SASH1: variants seen among roughly 807,000 people sequenced by gnomAD.
SASH1 encodes the protein SAM and SH3 domain containing 1.
A neutral mutation model predicts 125.2 loss-of-function variants in SASH1; 44 were observed. The observed-to-expected ratio is 0.35, with a 90% CI of 0.28 to 0.45. The LOEUF (loss-of-function observed/expected upper bound fraction) is 0.45, where lower values mean the gene tolerates loss of function less well. SASH1 is among the 20% of genes least tolerant of loss of function. The pLI, the probability that SASH1 is intolerant of heterozygous loss-of-function variation, is 1.00. For missense variants in SASH1, 1,426 were observed against 1,614.5 expected (o/e 0.88, Z 2.00); for synonymous variants, 639 against 649.1 (o/e 0.98, Z 0.24).
chr6:148,406,276 TC>T (rs1288566169), intron 2 of SASH1, among the ~76,000 whole-genome samples: 2 of 152,196 alleles, frequency 1.3e-5, no homozygotes, highest in Admixed American at 6.5e-5. Flanking sequence ...CTGAAGGACT[TC>T]ATTTGGGGGC....
intron 4 of SASH1, among the ~76,000 whole-genome samples, chr6:148,452,538 A>G (rs1029131341): frequency 2.6e-5 from 4 of 152,204 alleles, no homozygotes; most frequent in Admixed American, 2.0e-4. Flanking sequence ...GCGTGAGTTT[A>G]CGCTCCGCTA....
chr6:148,319,906 C>T (rs982697804), intron 1 of SASH1, among the ~76,000 whole-genome samples: 6 of 152,178 alleles, frequency 3.9e-5, no homozygotes, highest in Non-Finnish European at 5.9e-5. Flanking sequence ...TGACTCCTCC[C>T]TCTGTCCATT....
At chr6:148,248,707 C>T in the SASH1 span, among the ~76,000 whole-genome samples, 537 of 152,306 alleles carry the variant, frequency 3.5e-3, 5 homozygotes, top group Middle Eastern at 6.8e-3. Context: ...CACTTCCCCC[C>T]ACAAGCCTCA....
intron 2 of SASH1, among the ~76,000 whole-genome samples, chr6:148,396,501 A>AAAG (rs1562378834): frequency 8.1e-5 from 12 of 148,774 alleles, no homozygotes; most frequent in African/African-American, 2.8e-4. Context: ...AAAAAAAAAA[A>AAAG]AAGAAAGAAA....
chr6:148,510,165 A>T (rs1780036480), intron 8 of SASH1, among the ~76,000 whole-genome samples: 1 of 152,270 alleles, frequency 6.6e-6, no homozygotes. Flanking sequence ...GAATTACTAC[A>T]TATAGCATTA....
chr6:148,320,583 T>C (rs909967891), intron 1 of SASH1, among the ~76,000 whole-genome samples: 3 of 152,056 alleles, frequency 2.0e-5, no homozygotes, highest in Admixed American at 6.5e-5. Flanking sequence ...AGACAAAGGG[T>C]GGGTTCTTTC....
chr6:148,297,065 G>A (rs1288756112), intron 1 of SASH1, among the ~76,000 whole-genome samples: 1 of 152,146 alleles, frequency 6.6e-6, no homozygotes, highest in Non-Finnish European at 1.5e-5. Context: ...ATTTCCATAT[G>A]GACAGGACTG....
chr6:148,424,232 C>CTT (rs755742706), intron 2 of SASH1, among the ~76,000 whole-genome samples: 1 of 140,652 alleles, frequency 7.1e-6, no homozygotes, highest in Non-Finnish European at 1.6e-5. Context: ...TGTTCTTCTT[C>CTT]TTTTTTTTTT....
chr6:148,248,996 T>C, the SASH1 span, among the ~76,000 whole-genome samples: 1 of 152,182 alleles, frequency 6.6e-6, no homozygotes, highest in Admixed American at 6.5e-5. Flanking sequence ...AAACATAGTG[T>C]GTGGTTCCTA....
At chr6:148,389,316 C>T (rs543660172) in intron 1 of SASH1, among the ~76,000 whole-genome samples, 26 of 151,704 alleles carry the variant, frequency 1.7e-4, no homozygotes, top group Non-Finnish European at 3.4e-4. Flanking sequence ...CAATACCAGG[C>T]GCTATGGAGC....
intron 7 of SASH1, chr6:148,480,537 C>A (rs1778573058): frequency 6.6e-6 from 1 of 152,104 alleles, no homozygotes; most frequent in Non-Finnish European, 1.5e-5. Context: ...GGATCCTGAT[C>A]AGTGATTACA....
At chr6:148,291,656 C>T (rs1402076681) in intron 1 of SASH1, among the ~76,000 whole-genome samples, 1 of 151,976 alleles carries the variant, frequency 6.6e-6, no homozygotes, top group East Asian at 1.9e-4. Context: ...TGCACTCTAG[C>T]CTGGGTGACA....
At chr6:148,370,928 A>G (rs1782681082) in intron 1 of SASH1, among the ~76,000 whole-genome samples, 1 of 152,238 alleles carries the variant, frequency 6.6e-6, no homozygotes, top group Non-Finnish European at 1.5e-5. Flanking sequence ...GTATTCTCAA[A>G]TGAGGACTAA....
chr6:148,507,108 G>T (rs1014928338), intron 8 of SASH1, among the ~76,000 whole-genome samples: 9 of 152,008 alleles, frequency 5.9e-5, no homozygotes, highest in African/African-American at 2.2e-4. Flanking sequence ...AAGGTGTGGT[G>T]AACCCTTGCA....
intron 1 of SASH1, among the ~76,000 whole-genome samples, chr6:148,301,734 C>T (rs955159108): frequency 2.7e-5 from 4 of 147,622 alleles, no homozygotes; most frequent in African/African-American, 7.5e-5. Context: ...ACACACCACC[C>T]CATCTTGGTG....
rs1039533474 is a variant in SASH1, at chr6:148,513,609, A to T, written c.730-715A>T. The T allele has an allele frequency of 1.1e-5, 11 of 985,740 alleles. No individual in the cohort carries two copies. The South Asian group carries it at 4.7e-4, about 42-fold the overall frequency. The allele number at this position is 985,740 out of a possible 1,614,324, so 61.1% of individuals were successfully genotyped here. ...TGAGGGAAAACAGCTGGGCCTGAGC[A>T]TGCTGACTCCCTGCAAAGTGCAATG... is the stretch of plus-strand genomic sequence containing the variant. On this transcript the variant is annotated intron_variant, in intron 8 of 19. Transcript: ENST00000367467.
chr6:148,495,018 C>G lies in SASH1; in HGVS notation c.729+7303C>G, dbSNP rs1779258170. Among the ~76,000 whole-genome samples the G allele has an allele frequency of 6.6e-6, 1 of 152,196 alleles. No homozygotes were observed. The highest frequency in any genetic ancestry group is 1.5e-5 in the Non-Finnish European group (1 of 68,038). The stretch of plus-strand genomic sequence containing the variant: ...CTTAGAGTTTTCAATGTCCTTTCAC[C>G]AGCCTCAATAACAGACATTGTCTTC... On this transcript the variant is annotated intron_variant, in intron 8 of 19. Coordinates refer to ENST00000367467, the MANE Select transcript of SASH1 (RefSeq NM_015278.5). The surrounding 1 kb of genome is among the most constrained non-coding windows in gnomAD (Gnocchi z 4.0).
intron 8 of SASH1, 156 bp from the exon 9 acceptor site, chr6:148,514,168 C>A: frequency 1.4e-6 from 2 of 1,427,600 alleles, no homozygotes; most frequent in South Asian, 1.6e-5. Context: ...TGGTATGTGG[C>A]ACTTTGTAAA....
chr6:148,482,606 C>T (rs904415198), intron 7 of SASH1, among the ~76,000 whole-genome samples: 3 of 151,076 alleles, frequency 2.0e-5, no homozygotes, highest in East Asian at 1.9e-4. Context: ...ACTGCAGCCT[C>T]GACCTTCCAG....
Sources: allele counts gnomAD v4.1 joint callset (sites outside exome capture counted in the v4.1 genomes callset), GRCh38; gene constraint gnomAD v4.1.1; non-coding constraint Gnocchi (gnomAD v3.1); transcripts MANE v1.5; gene names NCBI Gene and HGNC (gene_info 2026-07-23, HGNC 2026-07-21).